The following ADGRB3 variants were observed in gnomAD, a reference collection of about 807,000 sequenced individuals.
The protein encoded by ADGRB3 is brain-specific angiogenesis inhibitor 3.
ADGRB3 carries 37 observed loss-of-function variants against 193.4 expected under a neutral mutation model. The observed-to-expected ratio is 0.19, with a 90% CI of 0.15 to 0.25. ADGRB3 has a LOEUF of 0.25. Ranked by LOEUF, ADGRB3 falls within the 10% of genes least tolerant of loss-of-function variation. The pLI is 1.00. For missense variants in ADGRB3, 1,637 were observed against 1,852.9 expected (o/e 0.88, Z 2.14); for synonymous variants, 690 against 644.2 (o/e 1.07, Z -1.08).
At chr6:69,382,308 A>C (rs1769966113) in intron 30 of ADGRB3, among the ~76,000 whole-genome samples, 1 of 151,908 alleles carries the variant, frequency 6.6e-6, no homozygotes, top group African/African-American at 2.4e-5. Flanking sequence ...AAGGTTTTAC[A>C]TCCCACATAT....
chr6:69,383,541 A>C (rs1467425772), intron 31 of ADGRB3, among the ~76,000 whole-genome samples: 1 of 151,944 alleles, frequency 6.6e-6, no homozygotes, highest in East Asian at 1.9e-4. Context: ...AGCTTCACAG[A>C]AGTTTATGTA....
intron 3 of ADGRB3, among the ~76,000 whole-genome samples, chr6:68,900,221 A>G (rs1766355656): frequency 6.6e-6 from 1 of 152,196 alleles, no homozygotes; most frequent in Non-Finnish European, 1.5e-5. Flanking sequence ...ACATGATAGC[A>G]ATCTGAAAAC....
At chr6:68,866,318 C>T (rs1198143886) in intron 3 of ADGRB3, among the ~76,000 whole-genome samples, 1 of 152,168 alleles carries the variant, frequency 6.6e-6, no homozygotes, top group African/African-American at 2.4e-5. Context: ...CAATTCCCCC[C>T]TTGCTCCCTT....
intron 3 of ADGRB3, among the ~76,000 whole-genome samples, chr6:68,848,236 C>T (rs1017776015): frequency 6.6e-6 from 1 of 152,000 alleles, no homozygotes; most frequent in Non-Finnish European, 1.5e-5. Context: ...ATCTTTCATA[C>T]TGGTTATTCA....
At chr6:68,734,449 T>C (rs17257244) in intron 3 of ADGRB3, among the ~76,000 whole-genome samples, 3,257 of 152,124 alleles carry the variant, frequency 0.021, 60 homozygotes, top group South Asian at 0.055. Context: ...TTTATCATAA[T>C]GATGTGGTTC....
In ADGRB3 at chr6:69,030,888, G is replaced by A. The variant is rs1023409586; in HGVS notation, c.2107+12389G>A. 2.1e-5 allele frequency among the ~76,000 whole-genome samples: 3 copies of A among 145,588 alleles called. No individual in the cohort carries two copies. In the East Asian group the frequency reaches 5.9e-4, roughly 29 times the overall value. On this transcript the variant is annotated intron_variant, in intron 13 of 31. Coordinates refer to ENST00000370598, the MANE Select transcript of ADGRB3 (RefSeq NM_001704.3). ...CTGTCTCTCTCTCAAGAATTCTAGA[G>A]TTTCTTACGAGTTAACACGTAGACT...
At chr6:68,739,462 G>A (rs1765935459) in intron 3 of ADGRB3, among the ~76,000 whole-genome samples, 1 of 152,118 alleles carries the variant, frequency 6.6e-6, no homozygotes. Flanking sequence ...TAGGTAAGAG[G>A]GGATGGGGCC....
chr6:69,170,901 A>G (rs1415820277), intron 17 of ADGRB3, among the ~76,000 whole-genome samples: 1 of 152,190 alleles, frequency 6.6e-6, no homozygotes, highest in Non-Finnish European at 1.5e-5. Context: ...GGTGACATAG[A>G]AAGTGTTATC....
At chr6:68,773,829 A>G (rs192151946) in intron 3 of ADGRB3, among the ~76,000 whole-genome samples, 1 of 152,188 alleles carries the variant, frequency 6.6e-6, no homozygotes, top group Non-Finnish European at 1.5e-5. Flanking sequence ...AGACCTGGAG[A>G]CTTAGATGTA....
At position 69,354,225 on chromosome 6, in the gene ADGRB3, C is replaced by A; in HGVS notation, c.3460-8C>A. ...AGAAGAAAATTAATGTGTTCCCCCT[C>A]CCCACAGGTTCAGGATGCATTTAGA... On this transcript the variant is annotated splice_region_variant and splice_polypyrimidine_tract_variant and intron_variant, in intron 26 of 31. Transcript: ENST00000370598. 2 of 1,606,480 alleles carry A rather than the reference C, an allele frequency of 1.2e-6. No individual in the cohort carries two copies. The highest frequency in any genetic ancestry group is 2.7e-5 in the African/African-American group (2 of 74,810).
chr6:69,185,967 A>G (rs907442774), intron 17 of ADGRB3, among the ~76,000 whole-genome samples: 2 of 152,118 alleles, frequency 1.3e-5, no homozygotes, highest in Non-Finnish European at 2.9e-5. Flanking sequence ...AATCTGAGTA[A>G]AAGAAAGAAA....
chr6:69,242,675 T>C (rs927670553), intron 20 of ADGRB3, among the ~76,000 whole-genome samples: 37 of 152,112 alleles, frequency 2.4e-4, no homozygotes, highest in African/African-American at 8.4e-4. Context: ...TATATTCAAT[T>C]ACTGGCAACA....
chr6:68,883,471 C>T (rs959090209), intron 3 of ADGRB3, among the ~76,000 whole-genome samples: 9 of 152,188 alleles, frequency 5.9e-5, no homozygotes, highest in African/African-American at 1.7e-4. Context: ...TGCAATAAAT[C>T]TTGTTGCTTC....
chr6:68,913,174 A>G (rs1766770169), intron 3 of ADGRB3, among the ~76,000 whole-genome samples: 1 of 152,196 alleles, frequency 6.6e-6, no homozygotes. Context: ...TCCCTGTCTG[A>G]CAGCTCTGAA....
intron 3 of ADGRB3, among the ~76,000 whole-genome samples, chr6:68,715,962 C>G (rs1430154701): frequency 6.6e-6 from 1 of 151,584 alleles, no homozygotes; most frequent in African/African-American, 2.4e-5. Flanking sequence ...GGAATGCTGA[C>G]CACCCTTGAG....
intron 3 of ADGRB3, among the ~76,000 whole-genome samples, chr6:68,867,121 T>C (rs1430670463): frequency 6.6e-6 from 1 of 152,108 alleles, no homozygotes; most frequent in African/African-American, 2.4e-5. Flanking sequence ...TCCAGGGCAT[T>C]TCAGAGCTCT....
intron 3 of ADGRB3, among the ~76,000 whole-genome samples, chr6:68,740,518 A>T (rs1294756347): frequency 1.3e-5 from 2 of 152,214 alleles, no homozygotes; most frequent in African/African-American, 4.8e-5. Flanking sequence ...TTGGATGAGA[A>T]TATGGTAGAA....
chr6:69,363,616 G>A (rs1420939086), intron 29 of ADGRB3, among the ~76,000 whole-genome samples: 1 of 152,008 alleles, frequency 6.6e-6, no homozygotes, highest in East Asian at 1.9e-4. Flanking sequence ...AGACAGTAAT[G>A]AGCCTGAATA....
intron 10 of ADGRB3, among the ~76,000 whole-genome samples, chr6:68,978,557 C>T (rs1768817348): frequency 6.6e-6 from 1 of 151,432 alleles, no homozygotes; most frequent in South Asian, 2.1e-4. Context: ...GCTTATGTCA[C>T]ACATCAGCCT....
Sources: gnomAD v4.1 joint callset for allele counts (sites outside exome capture counted in the v4.1 genomes callset) on GRCh38, gnomAD v4.1.1 for gene constraint, MANE v1.5 for transcripts, NCBI Gene and HGNC (gene_info 2026-07-23, HGNC 2026-07-21) for gene names.